The following PLD5 variants were observed in gnomAD, a reference collection of about 807,000 sequenced individuals.
PLD5 encodes the protein inactive phospholipase D5.
In PLD5, 36 loss-of-function variants were observed where a neutral mutation model predicts 61.1. That is an observed-to-expected ratio of 0.59 (90% CI 0.45 to 0.78). The LOEUF is 0.78. PLD5 is among the 30% of genes least tolerant of loss of function. PLD5 has a pLI of 0.00. For synonymous variants in PLD5, 243 were observed against 242.8 expected (o/e 1.00, Z -0.01); for missense variants, 515 against 644.4 (o/e 0.80, Z 2.17).
intron 1 of PLD5, among the ~76,000 whole-genome samples, chr1:242,491,929 A>T (rs1668166035): frequency 6.6e-6 from 1 of 152,212 alleles, no homozygotes; most frequent in Non-Finnish European, 1.5e-5. Context: ...TCAAAATTTT[A>T]TAGACCTTGG....
chr1:242,394,182 GAGTATATATGAGTATATATA>G (rs1663197760), intron 1 of PLD5, among the ~76,000 whole-genome samples: 1 of 63,280 alleles, frequency 1.6e-5, no homozygotes, highest in Non-Finnish European at 2.7e-5. Context: ...GTGTATATAT[GAGTATATATGAGTATATATA>G]TGTGTATATG....
intron 5 of PLD5, among the ~76,000 whole-genome samples, chr1:242,128,298 C>G (rs1662955931): frequency 7.0e-6 from 1 of 143,492 alleles, no homozygotes; most frequent in Non-Finnish European, 1.5e-5. Context: ...GAGCAAGATC[C>G]TGTCTCAAGG....
intron 4 of PLD5, among the ~76,000 whole-genome samples, chr1:242,224,284 TA>T (rs1316878212): frequency 6.6e-6 from 1 of 152,200 alleles, no homozygotes; most frequent in African/African-American, 2.4e-5. Flanking sequence ...CCATTTACAT[TA>T]AAAATTTGAC....
intron 1 of PLD5, among the ~76,000 whole-genome samples, chr1:242,444,976 C>T (rs1477112388): frequency 1.3e-5 from 2 of 152,022 alleles, no homozygotes; most frequent in Non-Finnish European, 2.9e-5. Context: ...CTCAGCTTTT[C>T]TCTTAAGTTA....
At chr1:242,109,830 CTG>C (rs1393702087) in intron 7 of PLD5, among the ~76,000 whole-genome samples, 1 of 151,962 alleles carries the variant, frequency 6.6e-6, no homozygotes, top group Non-Finnish European at 1.5e-5. Context: ...CACCTAGTGT[CTG>C]TAATATTCTG....
At chr1:242,136,679 C>T (rs1663756438) in intron 5 of PLD5, among the ~76,000 whole-genome samples, 1 of 152,186 alleles carries the variant, frequency 6.6e-6, no homozygotes, top group South Asian at 2.1e-4. Flanking sequence ...CCTTTCAATA[C>T]ACATCCAACC....
intron 2 of PLD5, among the ~76,000 whole-genome samples, chr1:242,325,793 C>T (rs1342909241): frequency 6.6e-6 from 1 of 152,140 alleles, no homozygotes; most frequent in Non-Finnish European, 1.5e-5. Context: ...CATCCCAAAG[C>T]TCTCAGAACT....
At chr1:242,148,032 A>G (rs1478159371) in intron 5 of PLD5, among the ~76,000 whole-genome samples, 1 of 152,174 alleles carries the variant, frequency 6.6e-6, no homozygotes, top group African/African-American at 2.4e-5. Context: ...ATAAAATTCA[A>G]TGTATCCATC....
Position 242,351,073 on chromosome 1 carries a change from A to G in PLD5, c.190-2831T>C, listed in dbSNP as rs1386177102. Among the ~76,000 whole-genome samples, 3 of 151,768 alleles carry G rather than the reference A, an allele frequency of 2.0e-5. No individual in the cohort carries two copies. The East Asian group carries it at 5.8e-4, about 30-fold the overall frequency. On this transcript the variant is annotated intron_variant, in intron 1 of 9. Transcript: ENST00000536534. ...TGCACCACTACAACCAGCTAATTTT[A>G]TATTTTTAGTAGAGATGGGGTTTCT...
At chr1:242,461,097 C>T (rs773791559) in intron 1 of PLD5, among the ~76,000 whole-genome samples, 6 of 152,184 alleles carry the variant, frequency 3.9e-5, no homozygotes, top group East Asian at 1.9e-4. Context: ...GCCAAGATCG[C>T]GCCAGTGCAC....
intron 4 of PLD5, among the ~76,000 whole-genome samples, chr1:242,263,635 G>T (rs1291125143): frequency 6.6e-6 from 1 of 152,026 alleles, no homozygotes; most frequent in Admixed American, 6.6e-5. Flanking sequence ...TCCTATGAAG[G>T]AAAATCATTT....
chr1:242,196,763 T>C (rs1444775659), intron 5 of PLD5, among the ~76,000 whole-genome samples: 1 of 152,206 alleles, frequency 6.6e-6, no homozygotes, highest in East Asian at 1.9e-4. Flanking sequence ...TCCTTTGCCC[T>C]AACTCTGCTC....
chr1:242,092,469 T>A (rs1477395835), intron 9 of PLD5, among the ~76,000 whole-genome samples: 2 of 152,144 alleles, frequency 1.3e-5, no homozygotes, highest in Admixed American at 6.5e-5. Context: ...TTAAAAAATA[T>A]TTAGCCATGT....
intron 4 of PLD5, among the ~76,000 whole-genome samples, chr1:242,262,694 C>T (rs996555502): frequency 7.2e-5 from 11 of 151,936 alleles, no homozygotes; most frequent in Admixed American, 6.6e-5. Context: ...TTAGATGTGG[C>T]GTACGAGAGC....
chr1:242,181,199 G>A (rs1667495266), intron 5 of PLD5, among the ~76,000 whole-genome samples: 1 of 152,152 alleles, frequency 6.6e-6, no homozygotes, highest in Non-Finnish European at 1.5e-5. Flanking sequence ...GGTAGGGCAT[G>A]AGAATTCTGC....
rs919803114 is a variant in PLD5, at chr1:242,510,390, T to G, written c.189+13698A>C. On this transcript the variant is annotated intron_variant, in intron 1 of 9. Coordinates refer to ENST00000536534, the MANE Select transcript of PLD5 (RefSeq NM_001372062.1). The stretch of plus-strand genomic sequence containing the variant: ...TACAAAGAAAGTGTCTGTACACACA[T>G]GCATGCACACACATACACACACACT... 2.0e-5 allele frequency among the ~76,000 whole-genome samples: 3 copies of G among 152,212 alleles called. No individual in the cohort carries two copies. The East Asian group carries it at 5.8e-4, about 29-fold the overall frequency.
Position 242,441,446 on chromosome 1 carries a change from C to T in PLD5, c.189+82642G>A, listed in dbSNP as rs115740091. On this transcript the variant is annotated intron_variant, in intron 1 of 9. Coordinates refer to ENST00000536534, the MANE Select transcript of PLD5 (RefSeq NM_001372062.1). ...TCTTTTCACCATGTTATGAATCTTC[C>T]GAAATTACCATGTGTTTCTTTAGTA... Among the ~76,000 whole-genome samples the T allele has an allele frequency of 9.9e-3, 1,499 of 151,736 alleles. 22 individuals are homozygous for T. The highest frequency in any genetic ancestry group is 0.029 in the African/African-American group (1,195 of 41,370).
At chr1:242,240,675 G>A (rs531476364) in intron 4 of PLD5, among the ~76,000 whole-genome samples, 1 of 152,248 alleles carries the variant, frequency 6.6e-6, no homozygotes, top group East Asian at 1.9e-4. Context: ...GCGGGAAAAT[G>A]TAGTGCAAAA....
At chr1:242,248,339 C>T (rs1032115117) in intron 4 of PLD5, among the ~76,000 whole-genome samples, 1 of 152,054 alleles carries the variant, frequency 6.6e-6, no homozygotes, top group Non-Finnish European at 1.5e-5. Context: ...TCACACTGGA[C>T]ACTATAACCC....
Sources: gnomAD v4.1 joint callset for allele counts (sites outside exome capture counted in the v4.1 genomes callset) on GRCh38, gnomAD v4.1.1 for gene constraint, MANE v1.5 for transcripts, NCBI Gene and HGNC (gene_info 2026-07-23, HGNC 2026-07-21) for gene names.